Variants in HECW2 observed in about 807,000 individuals in gnomAD.
The protein encoded by HECW2 is HECT, C2 and WW domain containing E3 ubiquitin protein ligase 2.
In HECW2, 61 loss-of-function variants were observed where a neutral mutation model predicts 175.2. The ratio of observed to expected loss-of-function variants is 0.35; its 90% CI spans 0.28 to 0.43. The LOEUF (loss-of-function observed/expected upper bound fraction) is 0.43, where lower values mean the gene tolerates loss of function less well. HECW2 is among the 20% of genes least tolerant of loss of function. The pLI is 1.00. For missense variants in HECW2, 1,524 were observed against 2,000.5 expected (o/e 0.76, Z 4.54); for synonymous variants, 671 against 731.0 (o/e 0.92, Z 1.32).
At chr2:196,294,933 T>C (rs1455845458) in intron 13 of HECW2, among the ~76,000 whole-genome samples, 1 of 152,198 alleles carries the variant, frequency 6.6e-6, no homozygotes, top group Non-Finnish European at 1.5e-5. Context: ...TATTGAAGTA[T>C]AACCTAAATT....
chr2:196,564,486 G>T (rs1690112241), intron 1 of HECW2, among the ~76,000 whole-genome samples: 1 of 152,132 alleles, frequency 6.6e-6, no homozygotes, highest in African/African-American at 2.4e-5. Flanking sequence ...ATTCAGGCAG[G>T]ATGTTTAATG....
At chr2:196,306,013 A>G (rs1234158908) in intron 13 of HECW2, among the ~76,000 whole-genome samples, 1 of 152,162 alleles carries the variant, frequency 6.6e-6, no homozygotes, top group Non-Finnish European at 1.5e-5. Flanking sequence ...TCATATGTTG[A>G]AACCTAATCA....
chr2:196,423,128 T>G (rs1197387759), intron 2 of HECW2, among the ~76,000 whole-genome samples: 1 of 152,138 alleles, frequency 6.6e-6, no homozygotes, highest in Non-Finnish European at 1.5e-5. Flanking sequence ...GTGGGTAAGT[T>G]TGAGCTGCAG....
At chr2:196,253,660 GTATGA>G (rs1481903485) in intron 19 of HECW2, among the ~76,000 whole-genome samples, 1 of 152,094 alleles carries the variant, frequency 6.6e-6, no homozygotes, top group African/African-American at 2.4e-5. Flanking sequence ...TCCTGATATT[GTATGA>G]TATAACATCA....
At position 196,485,553 on chromosome 2, in the gene HECW2, G is replaced by A. The variant is rs536589352; in HGVS notation, c.-35-52095C>T. 2.0e-5 allele frequency among the ~76,000 whole-genome samples: 3 copies of A among 152,150 alleles called. No individual in the cohort carries two copies. In the South Asian group the frequency reaches 6.2e-4, roughly 32 times the overall value. ...GGCAGGGGGATGAGACAGCAGAGAC[G>A]GCTCTGCACCCTCATGACTTACCTC... On this transcript the variant is annotated intron_variant, in intron 1 of 28. Coordinates refer to ENST00000644978, the MANE Select transcript of HECW2 (RefSeq NM_001348768.2).
chr2:196,254,013 T>C lies in HECW2; in HGVS notation c.3436A>G (p.Ile1146Val). 1 of 1,613,710 alleles carries C rather than the reference T, an allele frequency of 6.2e-7. No individual in the cohort carries two copies. Among genetic ancestry groups the C allele is most frequent in the Non-Finnish European group, 8.5e-7 (1 of 1,179,738 alleles). ...GCATGTGGAGGCACATACGACATTA[T>C]CTCTTCTTCAAATAAGCTGGGGAAA... ...VMLLSLFEEE[I>V]MSYVPPHALL... is the part of the protein sequence containing the mutation. The change falls in exon 19 of 29, where the codon ATA (isoleucine) becomes GTA (valine). Residue 1146 changes from isoleucine (I) to valine (V), a missense_variant. Coordinates refer to ENST00000644978, the MANE Select transcript of HECW2 (RefSeq NM_001348768.2).
intron 2 of HECW2, among the ~76,000 whole-genome samples, chr2:196,389,322 T>C (rs144534791): frequency 6.6e-6 from 1 of 152,174 alleles, no homozygotes; most frequent in Non-Finnish European, 1.5e-5. Flanking sequence ...ATTTCCTTAG[T>C]GCAGCATTTT....
Position 196,347,097 on chromosome 2 carries a change from G to A in HECW2, c.293-3333C>T, listed in dbSNP as rs1269410022. Among the ~76,000 whole-genome samples the A allele has an allele frequency of 1.5e-4, 23 of 151,042 alleles. No homozygotes were observed. The Admixed American group carries it at 1.5e-3, about 10-fold the overall frequency. On this transcript the variant is annotated intron_variant, in intron 2 of 28. Coordinates refer to ENST00000644978, the MANE Select transcript of HECW2 (RefSeq NM_001348768.2). ...ACATGGAGTCTCATTCTGTCACCCA[G>A]GCTGGAGTACAGTGGTGTTATCTAA...
At chr2:196,590,545 G>A (rs1409859601) in intron 1 of HECW2, among the ~76,000 whole-genome samples, 2 of 152,222 alleles carry the variant, frequency 1.3e-5, no homozygotes, top group Non-Finnish European at 2.9e-5. Flanking sequence ...CAGGCGAGAA[G>A]CCTCTGGTTT....
intron 24 of HECW2, among the ~76,000 whole-genome samples, chr2:196,221,675 T>C (rs1405784963): frequency 6.6e-6 from 1 of 152,184 alleles, no homozygotes; most frequent in African/African-American, 2.4e-5. Context: ...CCCTCCCACC[T>C]TGGCCTCCTG....
At chr2:196,445,871 A>G (rs1386782052) in intron 1 of HECW2, among the ~76,000 whole-genome samples, 1 of 152,212 alleles carries the variant, frequency 6.6e-6, no homozygotes, top group Non-Finnish European at 1.5e-5. Flanking sequence ...ATTAGCTTTC[A>G]CTACCTTCAC....
intron 1 of HECW2, among the ~76,000 whole-genome samples, chr2:196,463,644 T>C (rs1011779858): frequency 1.3e-5 from 2 of 152,220 alleles, no homozygotes; most frequent in African/African-American, 4.8e-5. Flanking sequence ...TATTTTATAT[T>C]ACAAAGTGAA....
intron 2 of HECW2, among the ~76,000 whole-genome samples, chr2:196,379,271 G>A (rs917018389): frequency 6.6e-6 from 1 of 152,140 alleles, no homozygotes; most frequent in Non-Finnish European, 1.5e-5. Context: ...GCCTTAAGGA[G>A]GCTGTGATTG....
chr2:196,411,165 A>T (rs990581696), intron 2 of HECW2, among the ~76,000 whole-genome samples: 1 of 151,978 alleles, frequency 6.6e-6, no homozygotes, highest in Admixed American at 6.6e-5. Context: ...TATATGGCTA[A>T]TTTTTTTTAT....
chr2:196,385,896 T>C (rs1694332659), intron 2 of HECW2, among the ~76,000 whole-genome samples: 1 of 152,216 alleles, frequency 6.6e-6, no homozygotes, highest in Non-Finnish European at 1.5e-5. Context: ...TATGTTTCAT[T>C]GAATGTAAAA....
At chr2:196,330,745 C>T (rs971340435) in intron 4 of HECW2, among the ~76,000 whole-genome samples, 1 of 152,098 alleles carries the variant, frequency 6.6e-6, no homozygotes, top group African/African-American at 2.4e-5. Flanking sequence ...CAAGAATCCC[C>T]CTAAGCTCTT....
chr2:196,338,444 A>G (rs1692631996), intron 3 of HECW2, among the ~76,000 whole-genome samples: 1 of 152,210 alleles, frequency 6.6e-6, no homozygotes, highest in Admixed American at 6.5e-5. Flanking sequence ...TCTTTCGTAT[A>G]TTACCTATTC....
intron 15 of HECW2, among the ~76,000 whole-genome samples, chr2:196,277,482 G>A: frequency 6.6e-6 from 1 of 152,174 alleles, no homozygotes; most frequent in Non-Finnish European, 1.5e-5. Flanking sequence ...GACAATAGGT[G>A]CTGGAGAGGA....
At chr2:196,222,745 T>A (rs1394133585) in intron 23 of HECW2, among the ~76,000 whole-genome samples, 1 of 152,068 alleles carries the variant, frequency 6.6e-6, no homozygotes, top group African/African-American at 2.4e-5. Flanking sequence ...TATCTTAATT[T>A]GAAATTATTT....
Sources: allele counts gnomAD v4.1 joint callset (sites outside exome capture counted in the v4.1 genomes callset), GRCh38; gene constraint gnomAD v4.1.1; transcripts MANE v1.5; gene names NCBI Gene and HGNC (gene_info 2026-07-23, HGNC 2026-07-21).